CSMD1: variants seen among roughly 807,000 people sequenced by gnomAD.
CSMD1 encodes CUB and Sushi multiple domains 1.
Under a neutral mutation model 417.5 loss-of-function variants are expected in CSMD1, and 213 were observed. The ratio of observed to expected loss-of-function variants is 0.51; its 90% CI spans 0.46 to 0.57. The LOEUF is 0.57. Among genes scored for constraint, CSMD1 ranks in the 20% least tolerant of loss-of-function variants. The pLI is 0.00. For missense variants in CSMD1, 6,923 were observed against 4,529.7 expected (o/e 1.53, Z -15.17); for synonymous variants, 2,862 against 1,736.8 (o/e 1.65, Z -16.11).
chr8:3,365,660 T>C (rs1346433187), intron 20 of CSMD1, among the ~76,000 whole-genome samples: 1 of 152,220 alleles, frequency 6.6e-6, no homozygotes, highest in Non-Finnish European at 1.5e-5. Context: ...TATATGTAGA[T>C]ACTAGTTTAT....
intron 2 of CSMD1, among the ~76,000 whole-genome samples, chr8:4,602,526 T>G (rs934185416): frequency 1.3e-5 from 2 of 152,148 alleles, no homozygotes; most frequent in African/African-American, 4.8e-5. Flanking sequence ...GTAAATATAT[T>G]AGGAACATAT....
intron 1 of CSMD1, among the ~76,000 whole-genome samples, chr8:4,893,949 C>G (rs570556178): frequency 6.6e-6 from 1 of 151,956 alleles, no homozygotes; most frequent in African/African-American, 2.4e-5. Context: ...TGTTGTAAAG[C>G]TTTTTGTCTT....
chr8:3,723,342 C>G (rs994912535), intron 6 of CSMD1, among the ~76,000 whole-genome samples: 1 of 152,080 alleles, frequency 6.6e-6, no homozygotes, highest in Non-Finnish European at 1.5e-5. Context: ...TAGGTCAGGG[C>G]CGCTGAGCAC....
intron 3 of CSMD1, among the ~76,000 whole-genome samples, chr8:4,339,004 G>A (rs556999152): frequency 1.9e-4 from 29 of 152,240 alleles, no homozygotes; most frequent in African/African-American, 6.5e-4. Flanking sequence ...TCTGTGAAAA[G>A]CAAGGCTTTT....
At chr8:3,911,949 C>T (rs752773962) in intron 5 of CSMD1, among the ~76,000 whole-genome samples, 6 of 152,176 alleles carry the variant, frequency 3.9e-5, no homozygotes, top group Non-Finnish European at 7.3e-5. Flanking sequence ...TATATGTCCA[C>T]CTGAATCTTA....
intron 3 of CSMD1, among the ~76,000 whole-genome samples, chr8:4,311,489 A>G (rs1798566005): frequency 6.6e-6 from 1 of 152,144 alleles, no homozygotes; most frequent in Non-Finnish European, 1.5e-5. Context: ...TCAGAAGGCC[A>G]AGTTGGGCAG....
intron 3 of CSMD1, among the ~76,000 whole-genome samples, chr8:4,278,475 G>A (rs761018750): frequency 6.6e-6 from 1 of 152,100 alleles, no homozygotes; most frequent in African/African-American, 2.4e-5. Flanking sequence ...TAACATGAAA[G>A]CAGCATTTTA....
chr8:4,291,311 G>C (rs1192765766), intron 3 of CSMD1, among the ~76,000 whole-genome samples: 1 of 151,924 alleles, frequency 6.6e-6, no homozygotes, highest in Non-Finnish European at 1.5e-5. Context: ...TTAAAAGCTA[G>C]GGATAATGAT....
chr8:4,146,562 A>C (rs181126921), intron 3 of CSMD1, among the ~76,000 whole-genome samples: 1 of 123,898 alleles, frequency 8.1e-6, no homozygotes, highest in East Asian at 2.2e-4. Flanking sequence ...AGGAAGCTCC[A>C]TTATTATCTG....
chr8:4,600,309 T>C lies in CSMD1; in HGVS notation c.302+37033A>G, dbSNP rs151158727. Among the ~76,000 whole-genome samples, 312 of 152,254 alleles carry C rather than the reference T, an allele frequency of 2.0e-3. 2 individuals are homozygous for C. Among genetic ancestry groups the C allele is most frequent in the South Asian group, 4.6e-3 (22 of 4,814 alleles). On this transcript the variant is annotated intron_variant, in intron 2 of 69. Transcript: ENST00000635120. ...CCTTAGGTACTCTATGTAGCAAATA[T>C]AGAGATGGGTAGAAATGGAAAGTTA...
At chr8:3,258,984 T>C (rs1800860898) in intron 26 of CSMD1, among the ~76,000 whole-genome samples, 1 of 152,298 alleles carries the variant, frequency 6.6e-6, no homozygotes, top group Non-Finnish European at 1.5e-5. Context: ...GAAAAATAAC[T>C]AATGGGTACT....
At chr8:3,044,224 C>G (rs898659754) in intron 50 of CSMD1, among the ~76,000 whole-genome samples, 1 of 152,202 alleles carries the variant, frequency 6.6e-6, no homozygotes, top group African/African-American at 2.4e-5. Context: ...ATATGTGAAG[C>G]TGACACTACT....
At chr8:3,953,785 G>T (rs1257150189) in intron 5 of CSMD1, among the ~76,000 whole-genome samples, 1 of 151,966 alleles carries the variant, frequency 6.6e-6, no homozygotes, top group Non-Finnish European at 1.5e-5. Context: ...CACAAGCCCC[G>T]CAACACCTCA....
intron 5 of CSMD1, among the ~76,000 whole-genome samples, chr8:3,981,625 C>T (rs1269410507): frequency 6.6e-6 from 1 of 151,608 alleles, no homozygotes; most frequent in South Asian, 2.1e-4. Context: ...AGTATTGTTC[C>T]CTTTGAGTTG....
intron 1 of CSMD1, among the ~76,000 whole-genome samples, chr8:4,817,594 G>GAATTT (rs1799279357): frequency 2.0e-5 from 3 of 152,184 alleles, no homozygotes; most frequent in Admixed American, 2.0e-4. Flanking sequence ...CTTTGCTCAT[G>GAATTT]CAATCAAAAT....
chr8:3,857,575 T>A (rs1804400511), intron 5 of CSMD1, among the ~76,000 whole-genome samples: 1 of 152,188 alleles, frequency 6.6e-6, no homozygotes, highest in Non-Finnish European at 1.5e-5. Context: ...CCTGTTCTGT[T>A]TCTACGCTGT....
At chr8:4,470,016 C>G (rs541339458) in intron 2 of CSMD1, among the ~76,000 whole-genome samples, 80 of 151,992 alleles carry the variant, frequency 5.3e-4, no homozygotes, top group Non-Finnish European at 9.7e-4. Context: ...TACAGGCGCC[C>G]GCTAACATGC....
In CSMD1 at chr8:2,954,223, C is replaced by A; in HGVS notation, c.10039+1G>T. ...ATCTAGAACTGTTCTGGTATACAAA[C>A]CTGGAGTTTTAGTAACTGTTTCATT... is the stretch of plus-strand genomic sequence containing the variant. On this transcript the variant is annotated splice_donor_variant, in intron 65 of 69. Transcript: ENST00000635120. LOFTEE classifies it high-confidence loss of function. 6.7e-7 allele frequency: 1 copy of A among 1,494,208 alleles called. No homozygotes were observed. Among genetic ancestry groups the A allele is most frequent in the Non-Finnish European group, 9.1e-7 (1 of 1,100,512 alleles). 92.6% of individuals were successfully genotyped at this position (1,494,208 alleles called of 1,614,324 possible). A position where few individuals can be genotyped will look rare whatever the true frequency, so the allele number is the denominator to read the frequency against.
At chr8:3,513,192 G>GA (rs199550832) in intron 10 of CSMD1, among the ~76,000 whole-genome samples, 5 of 151,822 alleles carry the variant, frequency 3.3e-5, no homozygotes, top group East Asian at 1.9e-4. Flanking sequence ...CAAACTTTGG[G>GA]AAAAAAATAG....
Sources: allele counts gnomAD v4.1 joint callset (sites outside exome capture counted in the v4.1 genomes callset), GRCh38; gene constraint gnomAD v4.1.1; transcripts MANE v1.5; gene names NCBI Gene and HGNC (gene_info 2026-07-23, HGNC 2026-07-21).